Variants in LONP1 observed in about 807,000 individuals in gnomAD.
LONP1 encodes the protein lon peptidase 1, mitochondrial.
A neutral mutation model predicts 98.5 loss-of-function variants in LONP1; 31 were observed. The ratio of observed to expected loss-of-function variants is 0.31; its 90% CI spans 0.24 to 0.42. LONP1 has a LOEUF of 0.42. Among genes scored for constraint, LONP1 ranks in the 20% least tolerant of loss-of-function variants. LONP1 has a pLI of 1.00. For synonymous variants in LONP1, 781 were observed against 594.7 expected, an observed-to-expected ratio of 1.31 and a Z score of -4.56; for missense variants, 1,336 against 1,350.6, an observed-to-expected ratio of 0.99 and a Z score of 0.17.
At chr19:5,697,304 G>C (rs2054951302) in intron 10 of LONP1, among the ~76,000 whole-genome samples, 1 of 151,928 alleles carries the variant, frequency 6.6e-6, no homozygotes, top group South Asian at 2.1e-4. Context: ...ACTGGGATGT[G>C]TGTGACACTT....
At chr19:5,702,113 C>G (rs1390336015) in intron 8 of LONP1, among the ~76,000 whole-genome samples, 2 of 135,586 alleles carry the variant, frequency 1.5e-5, no homozygotes, top group Non-Finnish European at 3.2e-5. Context: ...CCGCCCCGTC[C>G]GGGAGGTGAG....
chr19:5,714,051 G>T, intron 2 of LONP1, 132 bp downstream of exon 2: 2 of 648,634 alleles, frequency 3.1e-6, no homozygotes. Flanking sequence ...GTGGCTTCTG[G>T]CCTTTATTCT....
At position 5,696,762 on chromosome 19, in the gene LONP1, G is replaced by A. The variant is rs1180046172; in HGVS notation, c.1686-5C>T. 1.2e-6 allele frequency: 2 copies of A among 1,606,638 alleles called. No homozygotes were observed. The highest frequency in any genetic ancestry group is 1.7e-6 in the Non-Finnish European group (2 of 1,174,326). Reference sequence around the variant, plus strand: ...ATGGCGCCCACGTAGGTCCGCCTGTGGGTGCACAGCGGGGTCAGAGGTCAC... The same window carrying A: ...ATGGCGCCCACGTAGGTCCGCCTGTAGGTGCACAGCGGGGTCAGAGGTCAC... On this transcript the variant is annotated splice_polypyrimidine_tract_variant and splice_region_variant and intron_variant, in intron 10 of 17. Coordinates refer to ENST00000360614, the MANE Select transcript of LONP1 (RefSeq NM_004793.4).
chr19:5,695,292 A>G (rs1212481670), intron 13 of LONP1, among the ~76,000 whole-genome samples: 1 of 152,046 alleles, frequency 6.6e-6, no homozygotes, highest in African/African-American at 2.4e-5. Flanking sequence ...GGTCACCCAC[A>G]GCCCCACACA....
At chr19:5,693,247 G>T in intron 17 of LONP1, 51 bp downstream of exon 17, 1 of 1,566,170 alleles carries the variant, frequency 6.4e-7, no homozygotes, top group Non-Finnish European at 8.7e-7. Context: ...GGCCTGTCCC[G>T]TGGTGGTGTG....
intron 17 of LONP1, 135 bp from the exon 18 acceptor site, chr19:5,692,343 ACCCACCAGGGTCCCCGTCT>A (rs2054841493): frequency 2.6e-6 from 2 of 783,224 alleles, no homozygotes; most frequent in Non-Finnish European, 3.9e-6. Context: ...AAGTCCCAAA[ACCCACCAGGGTCCCCGTCT>A]CCCACGGGGA....
At chr19:5,698,998 C>A (rs368519184) in intron 10 of LONP1, 29 bp downstream of exon 10, 2 of 1,580,198 alleles carry the variant, frequency 1.3e-6, no homozygotes, top group Admixed American at 3.5e-5. Flanking sequence ...GAGGGGAGTG[C>A]GTGGGGAGAG....
chr19:5,693,626 T>C lies in LONP1; in HGVS notation c.2464A>G (p.Arg822Gly). ...GGGGCGTGCTGCATGAGGAAGGCTCTGGCGAAGGTGTAGGCTATGCGGGCG... is the reference window on the plus strand; with the variant it reads ...GGGGCGTGCTGCATGAGGAAGGCTCCGGCGAAGGTGTAGGCTATGCGGGCG... Reference protein sequence around the residue: ...ESARIAYTFARAFLMQHAPAN... With the variant: ...ESARIAYTFAGAFLMQHAPAN... The change falls in exon 16 of 18, where the codon AGA becomes GGA. Residue 822 changes from arginine to glycine, a missense_variant. Physicochemically the swap from Arg to Gly is moderately radical, Grantham distance 125. Coordinates refer to ENST00000360614, the MANE Select transcript of LONP1 (RefSeq NM_004793.4). The C allele has an allele frequency of 6.2e-7, 1 of 1,614,088 alleles. No individual in the cohort carries two copies. The highest frequency in any genetic ancestry group is 8.5e-7 in the Non-Finnish European group (1 of 1,180,002).
chr19:5,720,063 G>C lies in LONP1; in HGVS notation c.70C>G (p.Leu24Val), dbSNP rs11551011. 8.4e-3 allele frequency: 12,846 copies of C among 1,521,088 alleles called. 402 individuals are homozygous for C. The highest frequency in any genetic ancestry group is 0.077 in the Admixed American group (3,758 of 48,622). The allele number at this position is 1,521,088 out of a possible 1,614,324, so 94.2% of individuals were successfully genotyped here. ...ARCWVLRRPM[L>V]AAAGGRVPTA... Reference sequence around the variant, plus strand: ...GGAACCCGCCCCCCGGCGGCGGCCAGCATCGGCCGCCGCAGCACCCAGCAC... The same window carrying C: ...GGAACCCGCCCCCCGGCGGCGGCCACCATCGGCCGCCGCAGCACCCAGCAC... The change falls in exon 1 of 18, where the codon CTG becomes GTG. Residue 24 changes from leucine to valine, a missense_variant. Around this residue, in one of 5 missense-constraint regions of LONP1, gnomAD observed 457 missense variants for 403.1 expected, o/e 1.13. Transcript: ENST00000360614.
chr19:5,696,576 A>T, intron 11 of LONP1, 94 bp downstream of exon 11: 2 of 1,376,778 alleles, frequency 1.5e-6, no homozygotes, highest in South Asian at 1.3e-5. Context: ...ATGGCCCCTG[A>T]GTTGGCTCGG....
intron 2 of LONP1, 99 bp downstream of exon 2, chr19:5,714,084 G>C: frequency 1.1e-6 from 1 of 871,566 alleles, no homozygotes; most frequent in Non-Finnish European, 1.8e-6. Flanking sequence ...TGGTTTCCTC[G>C]GGGTCAGGGG....
In LONP1 at chr19:5,693,608, G is replaced by A. The variant is rs766992987; in HGVS notation, c.2482C>T (p.His828Tyr). The change falls in exon 16 of 18, where the codon CAC becomes TAC. Residue 828 changes from histidine (H) to tyrosine (Y), a missense_variant. Physicochemically the swap from His to Tyr is moderately conservative, Grantham distance 83. This residue lies in a region of LONP1 where 555 missense variants were observed against 542.6 expected (regional missense o/e 1.02). Transcript: ENST00000360614. Reference sequence around the variant, plus strand: ...ACCAGGTAGTCATTGGCGGGGGCGTGCTGCATGAGGAAGGCTCTGGCGAAG... The same window carrying A: ...ACCAGGTAGTCATTGGCGGGGGCGTACTGCATGAGGAAGGCTCTGGCGAAG... The part of the protein sequence containing the change: ...YTFARAFLMQ[H>Y]APANDYLVTS... 19 of 1,613,980 alleles carry A rather than the reference G, an allele frequency of 1.2e-5. No homozygotes were observed. The highest frequency in any genetic ancestry group is 3.3e-5 in the Admixed American group (2 of 60,010).
chr19:5,716,387 G>T (rs2055324028), intron 1 of LONP1, among the ~76,000 whole-genome samples: 1 of 147,258 alleles, frequency 6.8e-6, no homozygotes, highest in East Asian at 2.0e-4. Context: ...TGGAGTTTTT[G>T]ATTCAGTTCT....
At position 5,692,554 on chromosome 19, in the gene LONP1, G is replaced by C. The variant is rs1015171925; in HGVS notation, c.2704-346C>G. Reference sequence around the variant, plus strand: ...CAGGCAGTGTCTGGGGCCTGAACAGGGTTCCTGTGAGCATCTGCATCTCTG... The same window carrying C: ...CAGGCAGTGTCTGGGGCCTGAACAGCGTTCCTGTGAGCATCTGCATCTCTG... On this transcript the variant is annotated intron_variant, in intron 17 of 17. Transcript: ENST00000360614. 3.3e-5 allele frequency among the ~76,000 whole-genome samples: 5 copies of C among 152,136 alleles called. No individual in the cohort carries two copies. In the East Asian group the frequency reaches 5.8e-4, roughly 18 times the overall value.
At chr19:5,696,205 G>C (rs758890734) in intron 12 of LONP1, 35 bp from the exon 13 acceptor site, 3 of 1,612,646 alleles carry the variant, frequency 1.9e-6, no homozygotes, top group East Asian at 2.2e-5. Context: ...GGGACTGGCC[G>C]CTTACCCTCC....
chr19:5,705,177 C>T (rs2055123858), intron 8 of LONP1, among the ~76,000 whole-genome samples: 1 of 150,744 alleles, frequency 6.6e-6, no homozygotes, highest in Admixed American at 6.6e-5. Flanking sequence ...AAAAAAAAAG[C>T]CAGGCATGGT....
rs201560289 is a variant in LONP1 at position 5,693,738 on chromosome 19, C to T, written c.2352G>A (p.Leu784=). The change falls in exon 16 of 18, where the codon CTG becomes CTA. Residue 784 remains leucine (L), a synonymous_variant. Transcript: ENST00000360614. The stretch of plus-strand genomic sequence containing the variant: ...TGGCATCCTTGTCCTGTGGCCGTCT[C>T]AGGGATGTCTCCACAAACAGCGTGG... The part of the protein sequence containing the change: ...GGSTLFVETS[L]RRPQDKDAKG... The T allele has an allele frequency of 6.2e-7, 1 of 1,614,024 alleles. No individual in the cohort carries two copies. The highest frequency in any genetic ancestry group is 8.5e-7 in the Non-Finnish European group (1 of 1,179,994).
chr19:5,692,103 C>T lies in LONP1; in HGVS notation c.2809G>A (p.Glu937Lys). Reference protein sequence around the residue: ...ITEGLEVHFVEHYREIFDIAF... With the variant: ...ITEGLEVHFVKHYREIFDIAF... ...ATGTCGAAGATCTCCCGGTAGTGTT[C>T]CACGAAGTGCACCTCCAGGCCCTCG... Residue 937 changes from glutamate (E) to lysine (K), a missense_variant, in exon 18 of 18, where the codon GAA becomes AAA. Physicochemically the swap from Glu to Lys is moderately conservative, Grantham distance 56. Coordinates refer to ENST00000360614, the MANE Select transcript of LONP1 (RefSeq NM_004793.4). The T allele has an allele frequency of 1.9e-6, 3 of 1,603,718 alleles. No individual in the cohort carries two copies. The highest frequency in any genetic ancestry group is 1.7e-6 in the Non-Finnish European group (2 of 1,173,318).
At chr19:5,711,617 C>T (rs1038646544) in intron 4 of LONP1, among the ~76,000 whole-genome samples, 154 bp downstream of exon 4, 17 of 152,302 alleles carry the variant, frequency 1.1e-4, no homozygotes, top group East Asian at 5.8e-4. Flanking sequence ...GGAAAAGCAC[C>T]CTCTATGTTC....
Sources: allele counts gnomAD v4.1 joint callset (sites outside exome capture counted in the v4.1 genomes callset), GRCh38; gene constraint gnomAD v4.1.1; regional missense constraint gnomAD v4.1.1; transcripts MANE v1.5; gene names NCBI Gene and HGNC (gene_info 2026-07-23, HGNC 2026-07-21).